The following WDSUB1 variants were observed in gnomAD, a reference collection of about 807,000 sequenced individuals.
The protein encoded by WDSUB1 is WD repeat, SAM and U-box domain-containing protein 1.
In WDSUB1, 49 loss-of-function variants were observed where a neutral mutation model predicts 53.9. That is an observed-to-expected ratio of 0.91 (90% CI 0.72 to 1.15). WDSUB1 has a LOEUF of 1.15. WDSUB1 is among the 50% of genes most tolerant of loss of function. The pLI is 0.00. For missense variants in WDSUB1, 514 were observed against 562.0 expected (o/e 0.91, Z 0.86); for synonymous variants, 194 against 200.6 (o/e 0.97, Z 0.28).
At chr2:159,267,263 T>A (rs537103641) in intron 5 of WDSUB1, among the ~76,000 whole-genome samples, 2 of 151,902 alleles carry the variant, frequency 1.3e-5, no homozygotes, top group Admixed American at 1.3e-4. Context: ...CCCCTATCTA[T>A]GCCATACACA....
intron 5 of WDSUB1, 97 bp from the exon 6 acceptor site, chr2:159,259,940 G>A: frequency 8.2e-7 from 1 of 1,217,416 alleles, no homozygotes. Context: ...AACTTTTCTA[G>A]AAAAGACAGA....
At chr2:159,272,927 TATAAAA>T (rs1368541011) in intron 4 of WDSUB1, among the ~76,000 whole-genome samples, 1 of 152,148 alleles carries the variant, frequency 6.6e-6, no homozygotes, top group African/African-American at 2.4e-5. Flanking sequence ...GGTGACAACC[TATAAAA>T]ATAAAAAGAA....
chr2:159,270,369 G>A (rs1219626984), intron 5 of WDSUB1, among the ~76,000 whole-genome samples: 1 of 152,186 alleles, frequency 6.6e-6, no homozygotes, highest in East Asian at 1.9e-4. Context: ...TGTGTGTGTG[G>A]AGACAGGAAT....
intron 10 of WDSUB1, among the ~76,000 whole-genome samples, chr2:159,238,168 T>C (rs1461251627): frequency 1.3e-5 from 2 of 152,226 alleles, no homozygotes; most frequent in Non-Finnish European, 2.9e-5. Context: ...TTCATATTTT[T>C]TGCCCATTTT....
chr2:159,255,424 G>A (rs1028506381), intron 9 of WDSUB1, among the ~76,000 whole-genome samples: 3 of 151,752 alleles, frequency 2.0e-5, no homozygotes, highest in Non-Finnish European at 4.4e-5. Context: ...CCGAGATCGC[G>A]CCACTGCACA....
intron 8 of WDSUB1, among the ~76,000 whole-genome samples, chr2:159,257,187 A>G (rs1257827647): frequency 6.6e-6 from 1 of 151,970 alleles, no homozygotes; most frequent in Non-Finnish European, 1.5e-5. Flanking sequence ...TTTTTTGTAG[A>G]GATGGGGTTT....
chr2:159,271,469 A>G (rs1558868768), intron 5 of WDSUB1, among the ~76,000 whole-genome samples: 1 of 152,200 alleles, frequency 6.6e-6, no homozygotes. Flanking sequence ...ATATTGCATA[A>G]TTTGTTTTAG....
chr2:159,256,994 G>C (rs6743466), intron 8 of WDSUB1, among the ~76,000 whole-genome samples: 76,489 of 151,864 alleles, frequency 0.5, 19,999 homozygotes, highest in Non-Finnish European at 0.55. Context: ...ACTGGCTTCT[G>C]TAAAATTATT....
chr2:159,241,227 C>T (rs767470804), intron 10 of WDSUB1, among the ~76,000 whole-genome samples: 11 of 152,192 alleles, frequency 7.2e-5, no homozygotes, highest in Non-Finnish European at 1.3e-4. Context: ...GCAGGCATTT[C>T]TACTCTTTAG....
At chr2:159,239,390 TCTTA>T (rs1189395323) in intron 10 of WDSUB1, among the ~76,000 whole-genome samples, 2 of 151,400 alleles carry the variant, frequency 1.3e-5, no homozygotes, top group Non-Finnish European at 2.9e-5. Context: ...GTTCACTGAA[TCTTA>T]CTTAACTTGC....
At chr2:159,278,669 C>T (rs889932059) in intron 3 of WDSUB1, among the ~76,000 whole-genome samples, 1 of 152,210 alleles carries the variant, frequency 6.6e-6, no homozygotes, top group South Asian at 2.1e-4. Flanking sequence ...ACGTAAAACC[C>T]TTGGAAAAAT....
intron 9 of WDSUB1, among the ~76,000 whole-genome samples, chr2:159,248,944 T>C (rs979634104): frequency 2.6e-5 from 4 of 152,224 alleles, no homozygotes; most frequent in African/African-American, 7.2e-5. Context: ...AGAAATCTTC[T>C]GACATACTGT....
chr2:159,280,562 G>A (rs980564194), intron 2 of WDSUB1, among the ~76,000 whole-genome samples: 1 of 148,684 alleles, frequency 6.7e-6, no homozygotes, highest in Non-Finnish European at 1.5e-5. Flanking sequence ...GTAGTGGCGG[G>A]CGCCTGTAGT....
intron 5 of WDSUB1, among the ~76,000 whole-genome samples, chr2:159,263,372 G>C (rs2061266372): frequency 6.6e-6 from 1 of 152,182 alleles, no homozygotes; most frequent in Admixed American, 6.6e-5. Flanking sequence ...AAAAACAAAA[G>C]TTATGTGAAG....
chr2:159,274,280 G>T (rs575613173), intron 4 of WDSUB1, among the ~76,000 whole-genome samples: 8 of 152,140 alleles, frequency 5.3e-5, no homozygotes, highest in Non-Finnish European at 1.2e-4. Flanking sequence ...AAGGTGGGAG[G>T]ATCATTTGAG....
intron 2 of WDSUB1, among the ~76,000 whole-genome samples, chr2:159,282,235 C>T (rs1017003603): frequency 3.3e-5 from 5 of 152,010 alleles, no homozygotes; most frequent in Non-Finnish European, 7.4e-5. Context: ...GTCTGTCACC[C>T]AGGCTGGAGT....
chr2:159,275,507 C>A, intron 4 of WDSUB1, 39 bp downstream of exon 4: 1 of 1,475,050 alleles, frequency 6.8e-7, no homozygotes, highest in South Asian at 1.3e-5. Flanking sequence ...TTATCCAGAC[C>A]ACAAATAATT....
chr2:159,245,178 A>G (rs2060764810), intron 10 of WDSUB1, among the ~76,000 whole-genome samples: 1 of 152,168 alleles, frequency 6.6e-6, no homozygotes, highest in Admixed American at 6.5e-5. Context: ...GAGCAAGAAT[A>G]ATCAAAACAG....
In WDSUB1 at chr2:159,242,643, G is replaced by A. The variant is rs1320510313; in HGVS notation, c.1273+5729C>T. Among the ~76,000 whole-genome samples the A allele has an allele frequency of 4.7e-5, 7 of 147,488 alleles. 1 individual carries two copies. The highest frequency in any genetic ancestry group is 1.8e-4 in the African/African-American group (7 of 37,862). On this transcript the variant is annotated intron_variant, in intron 10 of 10. Transcript: ENST00000359774. ...GCACTCCAGTCTGGGCAACAAGAGC[G>A]AAACTCCCTCTCAAAAATAAATAAA...
Sources: allele counts gnomAD v4.1 joint callset (sites outside exome capture counted in the v4.1 genomes callset), GRCh38; gene constraint gnomAD v4.1.1; transcripts MANE v1.5; gene names NCBI Gene and HGNC (gene_info 2026-07-23, HGNC 2026-07-21).